SNX29: variants seen among roughly 807,000 people sequenced by gnomAD.
SNX29 encodes sorting nexin-29.
In SNX29, 78 loss-of-function variants were observed where a neutral mutation model predicts 102.1. That is an observed-to-expected ratio of 0.76 (90% confidence interval 0.64 to 0.92). SNX29 has a LOEUF of 0.92. Among genes scored for constraint, SNX29 ranks in the 40% least tolerant of loss-of-function variants. The pLI, the probability that SNX29 is intolerant of heterozygous loss-of-function variation, is 0.00. For missense variants in SNX29, 1,280 were observed against 1,061.7 expected (o/e 1.21, Z -2.86); for synonymous variants, 580 against 414.5 (o/e 1.40, Z -4.85).
intron 18 of SNX29, among the ~76,000 whole-genome samples, chr16:12,421,131 A>G (rs1477839424): frequency 1.3e-5 from 2 of 152,216 alleles, no homozygotes; most frequent in African/African-American, 2.4e-5. Context: ...CTGGGAAATA[A>G]TAGAGCTGGG....
intron 16 of SNX29, among the ~76,000 whole-genome samples, chr16:12,363,706 G>GA (rs2151339390): frequency 6.6e-6 from 1 of 152,232 alleles, no homozygotes; most frequent in East Asian, 1.9e-4. Flanking sequence ...TGATAATTCG[G>GA]AAAAAAGAGA....
Position 12,063,366 on chromosome 16 carries a change from C to CTTTTTTTTTTTTTTTTTT in SNX29, c.1243+1729_1243+1746dup, listed in dbSNP as rs369015533. ...CCCACCTCTTCTTTTCCTAGTCCAT[C>CTTTTTTTTTTTTTTTTTT]TTTTTTTTTTTTTTTTTTTTTTTTT... On this transcript the variant is annotated intron_variant, in intron 9 of 20. Transcript: ENST00000566228. Among the ~76,000 whole-genome samples the CTTTTTTTTTTTTTTTTTT allele has an allele frequency of 3.7e-3, 204 of 55,394 alleles. 38 individuals are homozygous for CTTTTTTTTTTTTTTTTTT. The highest frequency in any genetic ancestry group is 5.0e-3 in the Admixed American group (18 of 3,584). The allele number at this position is 55,394 out of a possible 152,430, so 36.3% of individuals were successfully genotyped here.
intron 16 of SNX29, among the ~76,000 whole-genome samples, chr16:12,388,438 A>G (rs74011705): frequency 0.025 from 3,732 of 152,298 alleles, 154 homozygotes; most frequent in African/African-American, 0.085. Flanking sequence ...TTATAAAGCT[A>G]TGGAGATCAA....
rs145090780 is a variant in SNX29 at position 12,481,414 on chromosome 16, A to T, written c.2178+3555A>T. Among the ~76,000 whole-genome samples the T allele has an allele frequency of 1.2e-4, 18 of 151,234 alleles. No individual in the cohort carries two copies. In the East Asian group the frequency reaches 3.5e-3, roughly 29 times the overall value. Reference sequence around the variant, plus strand: ...TATATATACACACACACACACACATATACATACACACATATACACATATAT... The same window carrying T: ...TATATATACACACACACACACACATTTACATACACACATATACACATATAT... On this transcript the variant is annotated intron_variant, in intron 19 of 20. Coordinates refer to ENST00000566228, the MANE Select transcript of SNX29 (RefSeq NM_032167.5).
intron 20 of SNX29, among the ~76,000 whole-genome samples, chr16:12,548,474 C>G (rs1308590432): frequency 6.6e-6 from 1 of 152,194 alleles, no homozygotes; most frequent in Non-Finnish European, 1.5e-5. Context: ...CAGCACCGGG[C>G]TTTCAGGATG....
At chr16:12,548,256 C>G (rs754737265) in intron 20 of SNX29, among the ~76,000 whole-genome samples, 1 of 152,204 alleles carries the variant, frequency 6.6e-6, no homozygotes, top group East Asian at 1.9e-4. Context: ...TTCCTTCTGG[C>G]TCACCAGATG....
At chr16:12,042,683 T>C (rs1386771365) in intron 4 of SNX29, among the ~76,000 whole-genome samples, 1 of 152,254 alleles carries the variant, frequency 6.6e-6, no homozygotes, top group Admixed American at 6.5e-5. Context: ...CTGCATAGTA[T>C]TCCATTGTGT....
chr16:12,358,904 G>A (rs777884195), intron 16 of SNX29, among the ~76,000 whole-genome samples: 2 of 152,336 alleles, frequency 1.3e-5, no homozygotes, highest in Non-Finnish European at 2.9e-5. Flanking sequence ...GCTCCGCACC[G>A]CTTCCCATAC....
chr16:12,546,033 C>G (rs560508731), intron 20 of SNX29, among the ~76,000 whole-genome samples: 17 of 152,306 alleles, frequency 1.1e-4, no homozygotes, highest in African/African-American at 3.1e-4. Flanking sequence ...AACCCACACC[C>G]TTGAGTACAC....
intron 20 of SNX29, among the ~76,000 whole-genome samples, chr16:12,540,752 T>G (rs925238973): frequency 1.3e-5 from 2 of 152,176 alleles, no homozygotes; most frequent in African/African-American, 4.8e-5. Flanking sequence ...GCACCATTGA[T>G]CTTACCGCCA....
rs35880279 is a variant in SNX29 at position 12,400,819 on chromosome 16, C to CATTTATTT, written c.1955+2332_1955+2339dup. On this transcript the variant is annotated intron_variant, in intron 17 of 20. Transcript: ENST00000566228. ...AGACTTGACTTCAGTACCTCACTTT[C>CATTTATTT]ATTTATTTATTTATTTATTTAGAGA... Among the ~76,000 whole-genome samples, 6 of 151,776 alleles carry CATTTATTT rather than the reference C, an allele frequency of 4.0e-5. No individual in the cohort carries two copies. The South Asian group carries it at 6.3e-4, about 16-fold the overall frequency.
intron 20 of SNX29, among the ~76,000 whole-genome samples, chr16:12,539,995 T>TAACA (rs2077254842): frequency 6.6e-6 from 1 of 152,044 alleles, no homozygotes; most frequent in Non-Finnish European, 1.5e-5. Context: ...CTTCAGCTTC[T>TAACA]TTTCAGTGTC....
At chr16:12,445,899 C>T (rs1219146973) in intron 18 of SNX29, among the ~76,000 whole-genome samples, 2 of 152,212 alleles carry the variant, frequency 1.3e-5, no homozygotes, top group Non-Finnish European at 2.9e-5. Flanking sequence ...GGCTAAGCCA[C>T]TTCCCCAAGG....
chr16:12,318,267 G>T (rs535295336), intron 15 of SNX29, among the ~76,000 whole-genome samples: 1 of 152,224 alleles, frequency 6.6e-6, no homozygotes, highest in South Asian at 2.1e-4. Context: ...TTGTTGAACC[G>T]TAAGCAGCAG....
At chr16:12,290,769 A>G (rs1232142451) in intron 15 of SNX29, among the ~76,000 whole-genome samples, 1 of 152,106 alleles carries the variant, frequency 6.6e-6, no homozygotes, top group Non-Finnish European at 1.5e-5. Flanking sequence ...AGTAGAGGTA[A>G]TGAGTGTTAT....
chr16:12,539,623 C>A (rs533969928), intron 20 of SNX29, among the ~76,000 whole-genome samples: 1 of 152,202 alleles, frequency 6.6e-6, no homozygotes, highest in Non-Finnish European at 1.5e-5. Context: ...GGACTGGATC[C>A]TATGCTAAAT....
Position 12,325,988 on chromosome 16 carries a change from C to G in SNX29, c.1783-30175C>G, listed in dbSNP as rs565523945. ...GAGGTTGCAGTGAGCTGTAATCACACACTGCATTCCAGCCTGGGCACCAGA... is the reference window on the plus strand; with the variant it reads ...GAGGTTGCAGTGAGCTGTAATCACAGACTGCATTCCAGCCTGGGCACCAGA... On this transcript the variant is annotated intron_variant, in intron 15 of 20. Coordinates refer to ENST00000566228, the MANE Select transcript of SNX29 (RefSeq NM_032167.5). Among the ~76,000 whole-genome samples, 30 of 152,064 alleles carry G rather than the reference C, an allele frequency of 2.0e-4. No individual in the cohort carries two copies. The South Asian group carries it at 3.5e-3, about 18-fold the overall frequency.
rs954547241 is a variant in SNX29, at chr16:12,573,806, G to C, written c.*5177G>C. On this transcript the variant is annotated 3_prime_UTR_variant, in exon 21 of 21. Coordinates refer to ENST00000566228, the MANE Select transcript of SNX29 (RefSeq NM_032167.5). ...TAATTTCCCGGAGTGAAGGGGATGGGGGTAGAGCTAATTGGAATTTTTATT... is the reference window on the plus strand; with the variant it reads ...TAATTTCCCGGAGTGAAGGGGATGGCGGTAGAGCTAATTGGAATTTTTATT... 1 of 220,190 alleles carries C rather than the reference G, an allele frequency of 4.5e-6. No homozygotes were observed. The highest frequency in any genetic ancestry group is 9.1e-6 in the Non-Finnish European group (1 of 109,934). 13.6% of individuals were successfully genotyped at this position (220,190 alleles called of 1,614,324 possible). A position where few individuals can be genotyped will look rare whatever the true frequency, so the allele number is the denominator to read the frequency against.
At position 12,569,869 on chromosome 16, in the gene SNX29, C is replaced by G. The variant is rs774312690; in HGVS notation, c.*1240C>G. ...GAAGGATGTCGTGAAATGGACTATG[C>G]AAGAGTAAGTTTGTGTGTTTCGCCT... On this transcript the variant is annotated 3_prime_UTR_variant, in exon 21 of 21. Transcript: ENST00000566228. 4 of 231,100 alleles carry G rather than the reference C, an allele frequency of 1.7e-5. No homozygotes were observed. The highest frequency in any genetic ancestry group is 4.4e-5 in the African/African-American group (2 of 45,204). 14.3% of individuals were successfully genotyped at this position (231,100 alleles called of 1,614,324 possible).
Sources: allele counts gnomAD v4.1 joint callset (sites outside exome capture counted in the v4.1 genomes callset), GRCh38; gene constraint gnomAD v4.1.1; transcripts MANE v1.5; gene names NCBI Gene and HGNC (gene_info 2026-07-23, HGNC 2026-07-21).